ZNF93: variants seen among roughly 807,000 people sequenced by gnomAD.
The protein encoded by ZNF93 is zinc finger protein 505.
Under a neutral mutation model 45.0 loss-of-function variants are expected in ZNF93, and 29 were observed. The observed-to-expected ratio is 0.64, with a 90% CI of 0.48 to 0.88. The LOEUF (loss-of-function observed/expected upper bound fraction) is 0.88. Ranked by LOEUF, ZNF93 falls within the 40% of genes least tolerant of loss-of-function variation. The pLI is 0.00. For synonymous variants in ZNF93, 223 were observed against 244.6 expected (o/e 0.91, Z 0.82); for missense variants, 578 against 724.0 (o/e 0.80, Z 2.31).
At chr19:19,909,868 G>A (rs1465408473) in intron 1 of ZNF93, among the ~76,000 whole-genome samples, 2 of 152,230 alleles carry the variant, frequency 1.3e-5, no homozygotes, top group African/African-American at 2.4e-5. Context: ...AAATATGCAC[G>A]TGGAATTTTG....
chr19:19,907,675 T>G (rs541042111), intron 1 of ZNF93: 1 of 151,942 alleles, frequency 6.6e-6, no homozygotes, highest in African/African-American at 2.4e-5. Context: ...GCCTCCCGAG[T>G]AACTGGCATG....
Position 19,935,056 on chromosome 19 carries a change from C to T in ZNF93, c.*238C>T. On this transcript the variant is annotated 3_prime_UTR_variant, in exon 4 of 4. Transcript: ENST00000343769. ...AATGACTCAGTTTCAGTTACCTGAGCCACAGCTTAAGGTCAGTTCTGCCTA... is the reference window on the plus strand; with the variant it reads ...AATGACTCAGTTTCAGTTACCTGAGTCACAGCTTAAGGTCAGTTCTGCCTA... 1 of 503,156 alleles carries T rather than the reference C, an allele frequency of 2.0e-6. No individual in the cohort carries two copies. The highest frequency in any genetic ancestry group is 3.5e-6 in the Non-Finnish European group (1 of 286,970). The allele number at this position is 503,156 out of a possible 1,614,324, so 31.2% of individuals were successfully genotyped here. A position where few individuals can be genotyped will look rare whatever the true frequency, so the allele number is the denominator to read the frequency against.
At chr19:19,911,484 GAGA>G (rs1479261439) in intron 1 of ZNF93, among the ~76,000 whole-genome samples, 3 of 152,090 alleles carry the variant, frequency 2.0e-5, no homozygotes, top group African/African-American at 7.2e-5. Context: ...GGATAATAAG[GAGA>G]AGATCTGGAG....
intron 1 of ZNF93, among the ~76,000 whole-genome samples, chr19:19,901,759 T>TA (rs2063272391): frequency 6.6e-6 from 1 of 152,022 alleles, no homozygotes; most frequent in Admixed American, 6.6e-5. Context: ...CCTCAGCCAA[T>TA]ATGGGAAGGA....
In ZNF93 at chr19:19,933,524, C is replaced by T; in HGVS notation, c.569C>T (p.Thr190Ile). The change falls in exon 4 of 4, where the codon ACA becomes ATA. Residue 190 changes from threonine to isoleucine, a missense_variant. Thr to Ile is a moderately conservative substitution (Grantham distance 89, BLOSUM62 -1). This residue lies in a region of ZNF93 where 446 missense variants were observed against 547.6 expected (regional missense o/e 0.81). Coordinates refer to ENST00000343769, the MANE Select transcript of ZNF93 (RefSeq NM_031218.4). ...TTTAACCAGTTCTCAACCCTTATAA[C>T]ACATAAGAAAATTCATACTGGAGAG... is the stretch of plus-strand genomic sequence containing the variant. ...KAFNQFSTLI[T>I]HKKIHTGEKP... 1 of 1,606,280 alleles carries T rather than the reference C, an allele frequency of 6.2e-7. No individual in the cohort carries two copies. Among genetic ancestry groups the T allele is most frequent in the East Asian group, 2.2e-5 (1 of 44,778 alleles).
Position 19,915,109 on chromosome 19 carries a change from T to TC in ZNF93, c.4-170dup, listed in dbSNP as rs1177730269. The stretch of plus-strand genomic sequence containing the variant: ...TGTGGATCTAATGCTGCCCTTTTTT[T>TC]CTCAGATAATACATTAGAGAATATT... On this transcript the variant is annotated intron_variant, in intron 1 of 3. Transcript: ENST00000343769. 4.6e-5 allele frequency among the ~76,000 whole-genome samples: 7 copies of TC among 152,254 alleles called. No individual in the cohort carries two copies. In the East Asian group the frequency reaches 1.3e-3, roughly 29 times the overall value.
At chr19:19,923,979 A>T (rs1294565059) in intron 3 of ZNF93, among the ~76,000 whole-genome samples, 1 of 152,162 alleles carries the variant, frequency 6.6e-6, no homozygotes, top group African/African-American at 2.4e-5. Context: ...TCAGTTGGAG[A>T]TGCAGAAATC....
chr19:19,922,797 T>G (rs1268483361), intron 3 of ZNF93, among the ~76,000 whole-genome samples: 1 of 152,224 alleles, frequency 6.6e-6, no homozygotes, highest in Non-Finnish European at 1.5e-5. Flanking sequence ...ATCAGGTCCT[T>G]TAAGGACTTC....
intron 3 of ZNF93, among the ~76,000 whole-genome samples, chr19:19,917,859 T>C (rs2063329044): frequency 6.6e-6 from 1 of 152,320 alleles, no homozygotes; most frequent in East Asian, 1.9e-4. Flanking sequence ...AAATATGAGA[T>C]TGTATGATCT....
At chr19:19,902,635 C>T (rs1262983555) in intron 1 of ZNF93, among the ~76,000 whole-genome samples, 1 of 151,700 alleles carries the variant, frequency 6.6e-6, no homozygotes, top group Non-Finnish European at 1.5e-5. Flanking sequence ...TCACCGGAGC[C>T]ATGGAAGGAG....
intron 3 of ZNF93, among the ~76,000 whole-genome samples, chr19:19,927,628 T>C (rs1288203176): frequency 6.6e-6 from 1 of 152,240 alleles, no homozygotes; most frequent in African/African-American, 2.4e-5. Context: ...AAGGTTCATC[T>C]AAAAAGGTGA....
intron 3 of ZNF93, among the ~76,000 whole-genome samples, chr19:19,920,551 G>T (rs971516859): frequency 6.6e-6 from 1 of 152,194 alleles, no homozygotes; most frequent in Non-Finnish European, 1.5e-5. Context: ...ACCTCTGGTA[G>T]AATTCAGCTG....
At position 19,933,541 on chromosome 19, in the gene ZNF93, A is replaced by C. The variant is rs772690951; in HGVS notation, c.586A>C (p.Thr196Pro). 9.3e-6 allele frequency: 15 copies of C among 1,607,898 alleles called. No homozygotes were observed. In the South Asian group the frequency reaches 1.7e-4, roughly 18 times the overall value. ...STLITHKKIH[T>P]GEKPYICEEC... Reference sequence around the variant, plus strand: ...CCTTATAACACATAAGAAAATTCATACTGGAGAGAAACCCTACATTTGTGA... The same window carrying C: ...CCTTATAACACATAAGAAAATTCATCCTGGAGAGAAACCCTACATTTGTGA... The change falls in exon 4 of 4, where the codon ACT (threonine) becomes CCT (proline). Residue 196 changes from threonine (T) to proline (P), a missense_variant. Around this residue, in one of 3 missense-constraint regions of ZNF93, gnomAD observed 446 missense variants for 547.6 expected, o/e 0.81. Transcript: ENST00000343769.
At chr19:19,929,549 G>A (rs1402116659) in intron 3 of ZNF93, among the ~76,000 whole-genome samples, 1 of 152,114 alleles carries the variant, frequency 6.6e-6, no homozygotes, top group Admixed American at 6.6e-5. Flanking sequence ...AAATATTTTA[G>A]TTATACATTC....
At position 19,934,075 on chromosome 19, in the gene ZNF93, T is replaced by C. The variant is rs764800179; in HGVS notation, c.1120T>C (p.Cys374Arg). 2 of 1,612,868 alleles carry C rather than the reference T, an allele frequency of 1.2e-6. No individual in the cohort carries two copies. The highest frequency in any genetic ancestry group is 1.7e-6 in the Non-Finnish European group (2 of 1,179,676). Residue 374 changes from cysteine to arginine, a missense_variant, in exon 4 of 4, where the codon TGT becomes CGT. By Grantham distance (180) the Cys-to-Arg change is radical. This residue lies in a region of ZNF93 where 446 missense variants were observed against 547.6 expected (regional missense o/e 0.81). Transcript: ENST00000343769. ...MGKKHYKCEE[C>R]GKAFIWSSVL... Reference sequence around the variant, plus strand: ...AAAGAAACATTACAAATGTGAAGAATGTGGCAAAGCCTTCATTTGGTCCTC... The same window carrying C: ...AAAGAAACATTACAAATGTGAAGAACGTGGCAAAGCCTTCATTTGGTCCTC...
chr19:19,909,780 A>T (rs1056538294), intron 1 of ZNF93, among the ~76,000 whole-genome samples: 2 of 152,250 alleles, frequency 1.3e-5, no homozygotes, highest in African/African-American at 4.8e-5. Flanking sequence ...TGCCAACCAG[A>T]ATTTACTGTA....
rs762081740 is a variant in ZNF93 at position 19,933,764 on chromosome 19, C to T, written c.809C>T (p.Ser270Leu). The change falls in exon 4 of 4, where the codon TCG becomes TTG. Residue 270 changes from serine to leucine, a missense_variant. Around this residue, in one of 3 missense-constraint regions of ZNF93, gnomAD observed 446 missense variants for 547.6 expected, o/e 0.81. Transcript: ENST00000343769. ...TGTGGCAAAGCTTTTAACCAATCCT[C>T]GACACTTACTAAACATAAGAAAATT... ...EECGKAFNQS[S>L]TLTKHKKIHT... 1.4e-5 allele frequency: 23 copies of T among 1,612,966 alleles called. No individual in the cohort carries two copies. Among genetic ancestry groups the T allele is most frequent in the Admixed American group, 6.7e-5 (4 of 59,930 alleles).
intron 2 of ZNF93, among the ~76,000 whole-genome samples, chr19:19,916,335 T>C (rs572191577): frequency 1.3e-5 from 2 of 152,150 alleles, no homozygotes; most frequent in African/African-American, 4.8e-5. Context: ...CCTGATCTCA[T>C]GATCCACCTG....
chr19:19,908,530 T>C (rs1478713502), intron 1 of ZNF93: 1 of 152,092 alleles, frequency 6.6e-6, no homozygotes, highest in Non-Finnish European at 1.5e-5. Context: ...TTGAGATCTT[T>C]TTACCTTTTT....
Sources: gnomAD v4.1 joint callset for allele counts (sites outside exome capture counted in the v4.1 genomes callset) on GRCh38, gnomAD v4.1.1 for gene constraint, gnomAD v4.1.1 regional missense constraint, MANE v1.5 for transcripts, NCBI Gene and HGNC (gene_info 2026-07-23, HGNC 2026-07-21) for gene names.